Variants in BACE1 observed in about 807,000 individuals in gnomAD.
BACE1 encodes beta-secretase 1, also known as APP beta-secretase.
Under a neutral mutation model 54.0 loss-of-function variants are expected in BACE1, and 21 were observed. The observed-to-expected ratio is 0.39, with a 90% confidence interval of 0.28 to 0.56. BACE1 has a LOEUF of 0.56. BACE1 is among the 20% of genes least tolerant of loss of function. BACE1 has a pLI of 0.63. For synonymous variants in BACE1, 232 were observed against 260.9 expected (o/e 0.89, Z 1.07); for missense variants, 511 against 661.2 (o/e 0.77, Z 2.49).
intron 1 of BACE1, among the ~76,000 whole-genome samples, chr11:117,303,629 A>G (rs552863369): frequency 6.6e-6 from 1 of 151,890 alleles, no homozygotes; most frequent in South Asian, 2.1e-4. Flanking sequence ...AGAGATGGAG[A>G]CTCTTTCCAA....
chr11:117,296,108 C>G (rs570299990), intron 2 of BACE1, among the ~76,000 whole-genome samples: 3 of 152,148 alleles, frequency 2.0e-5, no homozygotes, highest in African/African-American at 4.8e-5. Flanking sequence ...AGGATTTAAG[C>G]CTCTACTCAC....
chr11:117,302,056 G>A (rs572477777), intron 1 of BACE1, among the ~76,000 whole-genome samples: 61 of 152,248 alleles, frequency 4.0e-4, no homozygotes, highest in South Asian at 1.2e-3. Flanking sequence ...AAAGCTGGCC[G>A]GGTGCGGTGG....
intron 2 of BACE1, 34 bp downstream of exon 2, chr11:117,296,839 A>C: frequency 6.6e-7 from 1 of 1,524,970 alleles, no homozygotes; most frequent in Non-Finnish European, 9.0e-7. Context: ...ATCCTTGGAA[A>C]AGGTACTTCC....
At chr11:117,289,918 TCTC>T in intron 8 of BACE1, 111 bp from the exon 9 acceptor site, 1 of 949,708 alleles carries the variant, frequency 1.1e-6, no homozygotes, top group Non-Finnish European at 1.6e-6. Flanking sequence ...AGTTATCTAA[TCTC>T]CTTCCCAGGA....
At position 117,315,667 on chromosome 11, in the gene BACE1, C is replaced by T. The variant is rs1481839613; in HGVS notation, c.129G>A (p.Leu43=). ...CGGGCTCTTCGTCGGTCTCCCGGGG[C>T]AGCCGCAGCCCCAGGGGGGCGCCCC... The part of the protein sequence containing the change: ...GLGGAPLGLR[L]PRETDEEPEE... Residue 43 remains leucine, a synonymous_variant, in exon 1 of 9, where the codon CTG becomes CTA. Coordinates refer to ENST00000313005, the MANE Select transcript of BACE1 (RefSeq NM_012104.6). This position sits in a 1 kb window ranked among gnomAD's most constrained non-coding sequence, Gnocchi z 5.5. The T allele has an allele frequency of 1.9e-6, 3 of 1,549,510 alleles. No individual in the cohort carries two copies. Among genetic ancestry groups the T allele is most frequent in the Non-Finnish European group, 2.6e-6 (3 of 1,150,428 alleles).
rs1192838308 is a variant in BACE1, at chr11:117,295,017, TC to T, written c.567+113del. 3.6e-6 allele frequency: 4 copies of T among 1,098,860 alleles called. No individual in the cohort carries two copies. In the African/African-American group the frequency reaches 4.6e-5, roughly 13 times the overall value. 68.1% of individuals were successfully genotyped at this position (1,098,860 alleles called of 1,614,324 possible). On this transcript the variant is annotated intron_variant, in intron 3 of 8. Coordinates refer to ENST00000313005, the MANE Select transcript of BACE1 (RefSeq NM_012104.6). ...GCCACCCTATACCCCTGTTAAATAA[TC>T]CTTTAAACTGATTGTTGCCCTCCTT...
chr11:117,291,778 G>A lies in BACE1; in HGVS notation c.876C>T (p.Thr292=). ...NYDKSIVDSG[T]TNLRLPKKVF... The stretch of plus-strand genomic sequence containing the variant: ...CTTTCTTGGGCAAACGAAGGTTGGT[G>A]GTGCCACTGTCCACAATGCTCTTGT... Residue 292 remains threonine (T), a synonymous_variant, in exon 6 of 9, where the codon ACC becomes ACT. Coordinates refer to ENST00000313005, the MANE Select transcript of BACE1 (RefSeq NM_012104.6). 6.2e-7 allele frequency: 1 copy of A among 1,613,316 alleles called. No individual in the cohort carries two copies. The highest frequency in any genetic ancestry group is 1.1e-5 in the South Asian group (1 of 91,060).
intron 1 of BACE1, among the ~76,000 whole-genome samples, chr11:117,313,439 T>G (rs2035000158): frequency 6.6e-6 from 1 of 152,082 alleles, no homozygotes; most frequent in African/African-American, 2.4e-5. Flanking sequence ...TTGTTTTTGT[T>G]TTTATTTTTT....
intron 7 of BACE1, 106 bp downstream of exon 7, chr11:117,290,794 C>T (rs755908169): frequency 1.2e-4 from 180 of 1,548,318 alleles, no homozygotes; most frequent in Non-Finnish European, 1.5e-4. Flanking sequence ...TACTGCTGGA[C>T]ACTACTCATC....
In BACE1 at chr11:117,295,005, C is replaced by T. The variant is rs1393348049; in HGVS notation, c.567+126G>A. 4 of 975,022 alleles carry T rather than the reference C, an allele frequency of 4.1e-6. No homozygotes were observed. In the African/African-American group the frequency reaches 6.4e-5, roughly 16 times the overall value. 60.4% of individuals were successfully genotyped at this position (975,022 alleles called of 1,614,324 possible). A position where few individuals can be genotyped will look rare whatever the true frequency, so the allele number is the denominator to read the frequency against. ...AAAATTTAGACTGCCACCCTATACC[C>T]CTGTTAAATAATCCTTTAAACTGAT... On this transcript the variant is annotated intron_variant, in intron 3 of 8. Coordinates refer to ENST00000313005, the MANE Select transcript of BACE1 (RefSeq NM_012104.6).
rs1042035402 is a variant in BACE1 at position 117,285,880 on chromosome 11, G to A, written c.*3686C>T. On this transcript the variant is annotated 3_prime_UTR_variant, in exon 9 of 9. Coordinates refer to ENST00000313005, the MANE Select transcript of BACE1 (RefSeq NM_012104.6). The stretch of plus-strand genomic sequence containing the variant: ...CACCCTATTTTCTGGACAGAAATTA[G>A]CACAACCCACAGGTTTTTCCTGGGC... 1 of 152,572 alleles carries A rather than the reference G, an allele frequency of 6.6e-6. No individual in the cohort carries two copies. Among genetic ancestry groups the A allele is most frequent in the East Asian group, 1.9e-4 (1 of 5,198 alleles). The allele number at this position is 152,572 out of a possible 1,614,324, so 9.5% of individuals were successfully genotyped here. A position where few individuals can be genotyped will look rare whatever the true frequency, so the allele number is the denominator to read the frequency against.
intron 1 of BACE1, among the ~76,000 whole-genome samples, chr11:117,307,386 A>G (rs2034854225): frequency 6.6e-6 from 1 of 152,086 alleles, no homozygotes; most frequent in Non-Finnish European, 1.5e-5. Flanking sequence ...ATGTTGGCTC[A>G]CTGCAACCTC....
rs1347558866 is a variant in BACE1, at chr11:117,316,198, C to T, written c.-403G>A. On this transcript the variant is annotated 5_prime_UTR_variant, in exon 1 of 9. The change creates a new upstream start codon in the 5' untranslated region. Coordinates refer to ENST00000313005, the MANE Select transcript of BACE1 (RefSeq NM_012104.6). ...GCGGCTGCGTTGGCTGCTCAGGCCA[C>T]CATAATCCAGCTCGCGGCTCGCAGC... The T allele has an allele frequency of 6.9e-6, 3 of 434,630 alleles. No individual in the cohort carries two copies. Among genetic ancestry groups the T allele is most frequent in the Non-Finnish European group, 1.2e-5 (3 of 244,110 alleles). The allele number at this position is 434,630 out of a possible 1,614,324, so 26.9% of individuals were successfully genotyped here.
Position 117,293,770 on chromosome 11 carries a change from GT to G in BACE1, c.705+100del. 1 of 1,268,952 alleles carries G rather than the reference GT, an allele frequency of 7.9e-7. No homozygotes were observed. The highest frequency in any genetic ancestry group is 1.1e-6 in the Non-Finnish European group (1 of 939,338). The allele number at this position is 1,268,952 out of a possible 1,614,324, so 78.6% of individuals were successfully genotyped here. On this transcript the variant is annotated intron_variant, in intron 4 of 8. Transcript: ENST00000313005. The surrounding 1 kb of genome is among the most constrained non-coding windows in gnomAD (Gnocchi z 4.1). ...ATAAAGAGGTTCCTCCTGATTCTAAGTATCGGAGCCAAAACTGTGGTGTAGC... is the reference window on the plus strand; with the variant it reads ...ATAAAGAGGTTCCTCCTGATTCTAAGATCGGAGCCAAAACTGTGGTGTAGC...
intron 1 of BACE1, chr11:117,297,237 C>A: frequency 2.5e-6 from 1 of 398,634 alleles, no homozygotes; most frequent in Non-Finnish European, 4.5e-6. Flanking sequence ...AGTAGAAGAA[C>A]TAATATGCAA....
Position 117,290,881 on chromosome 11 carries a change from G to A in BACE1, c.1092+19C>T. ...GTGTACTTTTAAGAGAGATCCCCCT[G>A]ACTCAGGCTGGGACATACCTGCGGA... On this transcript the variant is annotated intron_variant, in intron 7 of 8. Coordinates refer to ENST00000313005, the MANE Select transcript of BACE1 (RefSeq NM_012104.6). 6.2e-7 allele frequency: 1 copy of A among 1,611,832 alleles called. No individual in the cohort carries two copies. Among genetic ancestry groups the A allele is most frequent in the Non-Finnish European group, 8.5e-7 (1 of 1,178,906 alleles).
intron 1 of BACE1, among the ~76,000 whole-genome samples, chr11:117,300,464 G>C (rs560836994): frequency 2.0e-5 from 3 of 151,268 alleles, no homozygotes; most frequent in Admixed American, 6.6e-5. Context: ...GCGGGGGGAT[G>C]GGGGGGGCTC....
chr11:117,293,015 A>G lies in BACE1; in HGVS notation c.840+39T>C, dbSNP rs2034490167. The G allele has an allele frequency of 1.9e-6, 3 of 1,608,262 alleles. No individual in the cohort carries two copies. In the African/African-American group the frequency reaches 4.0e-5, roughly 22 times the overall value. On this transcript the variant is annotated intron_variant, in intron 5 of 8. Transcript: ENST00000313005. This position sits in a 1 kb window ranked among gnomAD's most constrained non-coding sequence, Gnocchi z 4.1. ...AGTCTTCCTTCACATTGTACTGCCT[A>G]CCCCCTTATGTTCCCAGGCTCTCCC...
intron 1 of BACE1, among the ~76,000 whole-genome samples, chr11:117,310,844 C>T (rs1283038795): frequency 1.3e-5 from 2 of 152,188 alleles, no homozygotes; most frequent in African/African-American, 4.8e-5. Flanking sequence ...ATAACTTCTT[C>T]TTCCCCAAGA....
Sources: gnomAD v4.1 joint callset for allele counts (sites outside exome capture counted in the v4.1 genomes callset) on GRCh38, gnomAD v4.1.1 for gene constraint, Gnocchi (gnomAD v3.1) non-coding constraint, MANE v1.5 for transcripts, NCBI Gene and HGNC (gene_info 2026-07-23, HGNC 2026-07-21) for gene names.